The following DIP2C variants were observed in gnomAD, a reference collection of about 807,000 sequenced individuals.
The protein encoded by DIP2C is DIP2 acetate--CoA ligase C (putative), also known as disco-interacting protein 2 homolog C.
DIP2C carries 33 observed loss-of-function variants against 192.4 expected under a neutral mutation model. That is an observed-to-expected ratio of 0.17 (90% CI 0.13 to 0.23). DIP2C has a LOEUF of 0.23. Among genes scored for constraint, DIP2C ranks in the 10% least tolerant of loss-of-function variants. The pLI, the probability that DIP2C is intolerant of heterozygous loss-of-function variation, is 1.00. For missense variants in DIP2C, 1,537 were observed against 2,110.1 expected, an observed-to-expected ratio of 0.73 and a Z score of 5.32; for synonymous variants, 979 against 864.1, an observed-to-expected ratio of 1.13 and a Z score of -2.33.
chr10:356,240 C>G (rs1334828943), intron 24 of DIP2C, 186 bp downstream of exon 24: 1 of 701,306 alleles, frequency 1.4e-6, no homozygotes, highest in Non-Finnish European at 2.5e-6. Flanking sequence ...GTGTAAATAA[C>G]TGCACAAATG....
At chr10:598,704 C>A (rs1008005177) in intron 1 of DIP2C, among the ~76,000 whole-genome samples, 1 of 152,172 alleles carries the variant, frequency 6.6e-6, no homozygotes, top group Admixed American at 6.5e-5. Context: ...AAATCCACAC[C>A]GTGGCTTGTG....
intron 1 of DIP2C, among the ~76,000 whole-genome samples, chr10:617,886 T>C (rs1212686181): frequency 6.6e-6 from 1 of 151,882 alleles, no homozygotes; most frequent in Non-Finnish European, 1.5e-5. Flanking sequence ...ATCTGTTCCT[T>C]ATTGCACTAA....
chr10:567,144 A>G (rs1394702680), intron 1 of DIP2C, among the ~76,000 whole-genome samples: 1 of 151,596 alleles, frequency 6.6e-6, no homozygotes, highest in Non-Finnish European at 1.5e-5. Flanking sequence ...ATCAAATCCA[A>G]CTCCGGCGGA....
intron 1 of DIP2C, among the ~76,000 whole-genome samples, chr10:557,780 AGGGGGC>A (rs1433285586): frequency 3.8e-5 from 2 of 52,304 alleles, no homozygotes; most frequent in Admixed American, 2.1e-4. Context: ...ATGGGCGGGG[AGGGGGC>A]GGGGGCAGGG....
At chr10:603,969 C>T (rs997880093) in intron 1 of DIP2C, among the ~76,000 whole-genome samples, 7 of 145,826 alleles carry the variant, frequency 4.8e-5, no homozygotes, top group Non-Finnish European at 1.5e-5. Context: ...CCACCCTTGG[C>T]CCCAAGCCCC....
At chr10:502,608 CAA>C (rs915455879) in intron 1 of DIP2C, among the ~76,000 whole-genome samples, 4 of 152,074 alleles carry the variant, frequency 2.6e-5, no homozygotes, top group African/African-American at 7.2e-5. Flanking sequence ...AAGGGATCTA[CAA>C]AAGTCAGTCC....
At chr10:622,671 G>A (rs960350163) in intron 1 of DIP2C, among the ~76,000 whole-genome samples, 6 of 152,162 alleles carry the variant, frequency 3.9e-5, no homozygotes, top group African/African-American at 7.2e-5. Flanking sequence ...CTAAATACCC[G>A]ATATTGACTT....
At chr10:562,114 C>T (rs746162819) in intron 1 of DIP2C, among the ~76,000 whole-genome samples, 2 of 152,200 alleles carry the variant, frequency 1.3e-5, no homozygotes, top group Non-Finnish European at 2.9e-5. Context: ...ACTCCAAAGG[C>T]TTTTTGTTTT....
chr10:510,319 T>TG (rs1214861597), intron 1 of DIP2C, among the ~76,000 whole-genome samples: 2 of 152,250 alleles, frequency 1.3e-5, no homozygotes, highest in Non-Finnish European at 2.9e-5. Flanking sequence ...CCAAGACCCC[T>TG]GCTCTGTGTC....
At chr10:584,844 T>A (rs1850909135) in intron 1 of DIP2C, among the ~76,000 whole-genome samples, 1 of 103,000 alleles carries the variant, frequency 9.7e-6, no homozygotes. Context: ...GCGCATCACC[T>A]CTCAGATAAT....
chr10:571,045 C>T (rs1200356594), intron 1 of DIP2C, among the ~76,000 whole-genome samples: 2 of 152,218 alleles, frequency 1.3e-5, no homozygotes, highest in African/African-American at 4.8e-5. Context: ...CCGGCACTGG[C>T]CTAACGACAC....
intron 32 of DIP2C, among the ~76,000 whole-genome samples, chr10:293,976 GA>G (rs1589407471): frequency 6.6e-6 from 1 of 152,110 alleles, no homozygotes; most frequent in African/African-American, 2.4e-5. Flanking sequence ...GAAAACAGAG[GA>G]ATGTTTTCAT....
Position 531,197 on chromosome 10 carries a change from T to G in DIP2C, c.86-44667A>C, listed in dbSNP as rs114759754. 5.4e-3 allele frequency among the ~76,000 whole-genome samples: 818 copies of G among 152,306 alleles called. 7 individuals carry two copies. The highest frequency in any genetic ancestry group is 0.018 in the African/African-American group (764 of 41,572). ...GTTACAGGTTAACTCACTGCGTGTG[T>G]GCTGTGACTTTCCCCGTAAACATTC... On this transcript the variant is annotated intron_variant, in intron 1 of 36. Coordinates refer to ENST00000280886, the MANE Select transcript of DIP2C (RefSeq NM_014974.3).
At position 493,302 on chromosome 10, in the gene DIP2C, A is replaced by AC. The variant is rs371193933; in HGVS notation, c.86-6773dup. ...TTCACACAAAAAGGAAAGAAACCCG[A>AC]CCTGTAGAAAGACAGCTCTGAGAAG... On this transcript the variant is annotated intron_variant, in intron 1 of 36. Transcript: ENST00000280886. Among the ~76,000 whole-genome samples the AC allele has an allele frequency of 3.0e-3, 459 of 152,310 alleles. 2 individuals carry two copies. The highest frequency in any genetic ancestry group is 0.01 in the African/African-American group (431 of 41,566).
intron 9 of DIP2C, among the ~76,000 whole-genome samples, chr10:405,685 C>T (rs2133055208): frequency 6.6e-6 from 1 of 152,312 alleles, no homozygotes; most frequent in Admixed American, 6.5e-5. Context: ...TCCCTCCGTT[C>T]AATCCTCTGT....
In DIP2C at chr10:390,881, A is replaced by C; in HGVS notation, c.1261-18T>G. 1 of 1,613,060 alleles carries C rather than the reference A, an allele frequency of 6.2e-7. No individual in the cohort carries two copies. Among genetic ancestry groups the C allele is most frequent in the Non-Finnish European group, 8.5e-7 (1 of 1,179,554 alleles). On this transcript the variant is annotated intron_variant, in intron 10 of 36. Transcript: ENST00000280886. Reference sequence around the variant, plus strand: ...CCTGCGTCCTGAGAGGGCAACAGAGAGGAGTTGAGAATCCACGACCTGCCC... The same window carrying C: ...CCTGCGTCCTGAGAGGGCAACAGAGCGGAGTTGAGAATCCACGACCTGCCC...
intron 1 of DIP2C, among the ~76,000 whole-genome samples, chr10:601,535 C>T (rs1450281754): frequency 1.3e-5 from 2 of 152,208 alleles, no homozygotes; most frequent in South Asian, 4.1e-4. Context: ...TTCCCAGACT[C>T]CAGGGCACGA....
intron 1 of DIP2C, among the ~76,000 whole-genome samples, chr10:553,631 T>C (rs969334957): frequency 6.6e-6 from 1 of 152,258 alleles, no homozygotes; most frequent in Non-Finnish European, 1.5e-5. Flanking sequence ...ATTTAGTCCA[T>C]GCCTTCAAGA....
At chr10:393,813 G>GA (rs1963707599) in intron 10 of DIP2C, among the ~76,000 whole-genome samples, 1 of 101,122 alleles carries the variant, frequency 9.9e-6, no homozygotes, top group African/African-American at 3.8e-5. Flanking sequence ...AAAAGAAAAA[G>GA]AAAAAGGAAA....
Sources: gnomAD v4.1 joint callset for allele counts (sites outside exome capture counted in the v4.1 genomes callset) on GRCh38, gnomAD v4.1.1 for gene constraint, MANE v1.5 for transcripts, NCBI Gene and HGNC (gene_info 2026-07-23, HGNC 2026-07-21) for gene names.